Variants in CWF19L2 observed in about 807,000 individuals in gnomAD.
CWF19L2 encodes CWF19 like cell cycle control factor 2, also known as CWF19-like protein 2.
In CWF19L2, 98 loss-of-function variants were observed where a neutral mutation model predicts 111.7. The observed-to-expected ratio is 0.88, with a 90% confidence interval of 0.75 to 1.04. CWF19L2 has a LOEUF of 1.04. Among genes scored for constraint, CWF19L2 ranks in the 50% least tolerant of loss-of-function variants. The pLI, the probability that CWF19L2 is intolerant of heterozygous loss-of-function variation, is 0.00. For missense variants in CWF19L2, 1,101 were observed against 1,051.4 expected (o/e 1.05, Z -0.65); for synonymous variants, 351 against 342.9 (o/e 1.02, Z -0.26).
chr11:107,425,831 A>G (rs1278893981), intron 8 of CWF19L2, among the ~76,000 whole-genome samples: 2 of 151,956 alleles, frequency 1.3e-5, no homozygotes, highest in Non-Finnish European at 2.9e-5. Flanking sequence ...TCTGATATTA[A>G]ATTTGTAAAA....
chr11:107,423,043 C>T lies in CWF19L2; in HGVS notation c.1434-4756G>A, dbSNP rs147932440. 7.9e-4 allele frequency among the ~76,000 whole-genome samples: 120 copies of T among 152,064 alleles called. 1 individual carries two copies. In the East Asian group the frequency reaches 0.011, roughly 14 times the overall value. ...AAACAATGAAAATGAACAGTAGGGA[C>T]ACTGCATTCATGTAAGCAGGAGAAT... On this transcript the variant is annotated intron_variant, in intron 8 of 17. Coordinates refer to ENST00000282251, the MANE Select transcript of CWF19L2 (RefSeq NM_152434.3).
intron 12 of CWF19L2, 144 bp downstream of exon 12, chr11:107,389,930 T>G: frequency 1.5e-6 from 1 of 661,818 alleles, no homozygotes; most frequent in Non-Finnish European, 2.4e-6. Flanking sequence ...CCAAAATGCA[T>G]GTTTCTAATA....
chr11:107,358,571 T>G (rs1591160766), intron 12 of CWF19L2, among the ~76,000 whole-genome samples: 1 of 152,184 alleles, frequency 6.6e-6, no homozygotes, highest in East Asian at 1.9e-4. Flanking sequence ...ATAAAAACAT[T>G]ATGCTAAGTG....
At chr11:107,382,870 A>G (rs895021583) in intron 12 of CWF19L2, among the ~76,000 whole-genome samples, 3 of 152,194 alleles carry the variant, frequency 2.0e-5, no homozygotes, top group Non-Finnish European at 4.4e-5. Context: ...TCTTAAGACC[A>G]TCCCCAGAGA....
chr11:107,350,423 C>A (rs942295627), intron 13 of CWF19L2, among the ~76,000 whole-genome samples: 1 of 152,040 alleles, frequency 6.6e-6, no homozygotes, highest in Non-Finnish European at 1.5e-5. Context: ...GAGGACAGAG[C>A]CCTTATGAAT....
At chr11:107,411,429 T>C (rs1861155964) in intron 10 of CWF19L2, among the ~76,000 whole-genome samples, 1 of 152,184 alleles carries the variant, frequency 6.6e-6, no homozygotes, top group Admixed American at 6.5e-5. Flanking sequence ...CACGTTCATT[T>C]ATAATGACTT....
rs1364750492 is a variant in CWF19L2 at position 107,369,439 on chromosome 11, T to A, written c.1873-15703A>T. On this transcript the variant is annotated intron_variant, in intron 12 of 17. Transcript: ENST00000282251. ...ACAATCCATAAACATTTGACTAGTATCAAGAGAAAAAACACAAAATGCCAC... is the reference window on the plus strand; with the variant it reads ...ACAATCCATAAACATTTGACTAGTAACAAGAGAAAAAACACAAAATGCCAC... 1.5e-5 allele frequency among the ~76,000 whole-genome samples: 2 copies of A among 136,990 alleles called. 1 individual carries two copies. The highest frequency in any genetic ancestry group is 4.9e-4 in the South Asian group (2 of 4,082). 89.9% of individuals were successfully genotyped at this position (136,990 alleles called of 152,430 possible).
chr11:107,419,437 T>C (rs1378782280), intron 8 of CWF19L2, among the ~76,000 whole-genome samples: 1 of 152,196 alleles, frequency 6.6e-6, no homozygotes, highest in African/African-American at 2.4e-5. Flanking sequence ...TAGTATCTAA[T>C]CAATGATGAT....
At chr11:107,341,576 A>T (rs529280026) in intron 14 of CWF19L2, among the ~76,000 whole-genome samples, 1 of 152,268 alleles carries the variant, frequency 6.6e-6, no homozygotes, top group Admixed American at 6.5e-5. Flanking sequence ...TGGTATGAGG[A>T]TAACACTAAC....
chr11:107,392,987 C>T lies in CWF19L2; in HGVS notation c.1618-92G>A, dbSNP rs112031369. 92 of 775,164 alleles carry T rather than the reference C, an allele frequency of 1.2e-4. 2 individuals are homozygous for T. The highest frequency in any genetic ancestry group is 1.0e-3 in the African/African-American group (55 of 53,762). The allele number at this position is 775,164 out of a possible 1,614,324, so 48.0% of individuals were successfully genotyped here. ...ACAAAAAAAGCATTAAAATGATTAACGTTTCCACATAACGTTGTGGATTGC... is the reference window on the plus strand; with the variant it reads ...ACAAAAAAAGCATTAAAATGATTAATGTTTCCACATAACGTTGTGGATTGC... On this transcript the variant is annotated intron_variant, in intron 10 of 17. Coordinates refer to ENST00000282251, the MANE Select transcript of CWF19L2 (RefSeq NM_152434.3).
chr11:107,361,360 T>A (rs894830268), intron 12 of CWF19L2, among the ~76,000 whole-genome samples: 1 of 152,246 alleles, frequency 6.6e-6, no homozygotes, highest in Non-Finnish European at 1.5e-5. Context: ...TACTATAGCG[T>A]TTTCAGTATA....
intron 12 of CWF19L2, among the ~76,000 whole-genome samples, chr11:107,357,878 G>C (rs1379397563): frequency 6.6e-6 from 1 of 152,156 alleles, no homozygotes; most frequent in African/African-American, 2.4e-5. Context: ...TGTACTAAGT[G>C]TAAGATGGAA....
chr11:107,456,406 C>T (rs1003422649), intron 1 of CWF19L2, among the ~76,000 whole-genome samples: 1 of 152,006 alleles, frequency 6.6e-6, no homozygotes, highest in Non-Finnish European at 1.5e-5. Context: ...GAAACTTACT[C>T]CCTCCAAAAA....
chr11:107,402,871 GTGTATATATATATATATATATA>G (rs1861023365), intron 10 of CWF19L2, among the ~76,000 whole-genome samples: 2 of 57,120 alleles, frequency 3.5e-5, no homozygotes, highest in Non-Finnish European at 5.9e-5. Context: ...AAACTGTGGT[GTGTATATATATATATATATATA>G]TATATATATA....
chr11:107,445,192 A>G (rs962042607), intron 3 of CWF19L2, among the ~76,000 whole-genome samples: 4 of 152,336 alleles, frequency 2.6e-5, no homozygotes, highest in Admixed American at 6.5e-5. Context: ...TCCTACATCT[A>G]TATGTCTTAT....
intron 2 of CWF19L2, 41 bp downstream of exon 2, chr11:107,455,625 G>T: frequency 8.6e-7 from 1 of 1,165,158 alleles, no homozygotes; most frequent in Non-Finnish European, 1.2e-6. Flanking sequence ...GTGCAAAAAA[G>T]GACAGATATC....
chr11:107,396,227 C>T (rs1358624507), intron 10 of CWF19L2, among the ~76,000 whole-genome samples: 1 of 152,198 alleles, frequency 6.6e-6, no homozygotes, highest in Non-Finnish European at 1.5e-5. Context: ...AAACCAGAAA[C>T]ACTTCTTGAT....
intron 12 of CWF19L2, among the ~76,000 whole-genome samples, chr11:107,367,246 A>C (rs1392591111): frequency 7.4e-6 from 1 of 134,252 alleles, no homozygotes; most frequent in Admixed American, 7.4e-5. Context: ...CAACTAGTTC[A>C]ACCATTGTGG....
intron 10 of CWF19L2, among the ~76,000 whole-genome samples, chr11:107,408,176 G>C (rs1208512849): frequency 6.6e-6 from 1 of 151,882 alleles, no homozygotes; most frequent in Admixed American, 6.6e-5. Context: ...ACCGTCAAAG[G>C]ACTGTAATTA....
Sources: gnomAD v4.1 joint callset for allele counts (sites outside exome capture counted in the v4.1 genomes callset) on GRCh38, gnomAD v4.1.1 for gene constraint, MANE v1.5 for transcripts, NCBI Gene and HGNC (gene_info 2026-07-23, HGNC 2026-07-21) for gene names.